UGT2B15: variants seen among roughly 807,000 people sequenced by gnomAD.
UGT2B15 encodes UDP glucuronosyltransferase family 2 member B15.
Under a neutral mutation model 45.9 loss-of-function variants are expected in UGT2B15, and 36 were observed. That is an observed-to-expected ratio of 0.78 (90% CI 0.60 to 1.04). UGT2B15 has a LOEUF of 1.04. Among genes scored for constraint, UGT2B15 ranks in the 50% least tolerant of loss-of-function variants. The probability of loss-of-function intolerance (pLI) is 0.00; values close to 1 mark genes in which losing one functional copy is unlikely to be tolerated. For synonymous variants in UGT2B15, 219 were observed against 216.4 expected (o/e 1.01, Z -0.11); for missense variants, 617 against 622.4 (o/e 0.99, Z 0.09).
In UGT2B15 at chr4:68,647,191, C is replaced by T. The variant is rs1732503305; in HGVS notation, c.1506G>A (p.Val502=). The T allele has an allele frequency of 1.2e-6, 2 of 1,613,730 alleles. No homozygotes were observed. Among genetic ancestry groups the T allele is most frequent in the Non-Finnish European group, 1.7e-6 (2 of 1,179,912 alleles). The change falls in exon 6 of 6, where the codon GTG becomes GTA. Residue 502 remains valine, a synonymous_variant. Coordinates refer to ENST00000338206, the MANE Select transcript of UGT2B15 (RefSeq NM_001076.4). The part of the protein sequence containing the change: ...LDVIAFLLAC[V]ATVIFIITKF... ...TTGTGATGATAAATATCACAGTTGC[C>T]ACGCAGGCCAGCAGGAATGCTATCA...
intron 5 of UGT2B15, among the ~76,000 whole-genome samples, chr4:68,648,443 C>T (rs1309887331): frequency 6.6e-6 from 1 of 152,032 alleles, no homozygotes; most frequent in Non-Finnish European, 1.5e-5. Context: ...TTTGAGGCTT[C>T]CCCTTGTATG....
At chr4:68,667,602 C>A (rs1184152280) in intron 2 of UGT2B15, among the ~76,000 whole-genome samples, 1 of 152,094 alleles carries the variant, frequency 6.6e-6, no homozygotes, top group Admixed American at 6.6e-5. Context: ...TCATTGTGGT[C>A]TTTCCTTATA....
rs1317721509 is a variant in UGT2B15, at chr4:68,661,716, A to G, written c.1005+1292T>C. On this transcript the variant is annotated intron_variant, in intron 3 of 5. Coordinates refer to ENST00000338206, the MANE Select transcript of UGT2B15 (RefSeq NM_001076.4). ...TTTCATTTGCTAACTATCAAGTGCT[A>G]CTTTCAGGAAAAATTTCAAGTGGCA... 2.6e-5 allele frequency among the ~76,000 whole-genome samples: 4 copies of G among 152,110 alleles called. No individual in the cohort carries two copies. In the East Asian group the frequency reaches 7.7e-4, roughly 29 times the overall value.
chr4:68,668,595 C>T lies in UGT2B15; in HGVS notation c.725-407G>A, dbSNP rs937808519. ...GGGACCCAGTGGCAGGTGATTGGAT[C>T]ATGGTGTGGATTCCTCCATGCTGTT... is the stretch of plus-strand genomic sequence containing the variant. On this transcript the variant is annotated intron_variant, in intron 1 of 5. Transcript: ENST00000338206. 2.1e-4 allele frequency among the ~76,000 whole-genome samples: 31 copies of T among 150,696 alleles called. 1 individual carries two copies. Among genetic ancestry groups the T allele is most frequent in the Middle Eastern group, 6.8e-3 (2 of 294 alleles).
rs556569318 is a variant in UGT2B15, at chr4:68,669,794, C to G, written c.724+101G>C. ...TCTTACATTTGCAATTCATAATTTC[C>G]CTTAAAAACACTATCTTCTGACATT... On this transcript the variant is annotated intron_variant, in intron 1 of 5. Transcript: ENST00000338206. The G allele has an allele frequency of 6.5e-5, 94 of 1,452,676 alleles. No homozygotes were observed. In the African/African-American group the frequency reaches 1.2e-3, roughly 19 times the overall value. 90.0% of individuals were successfully genotyped at this position (1,452,676 alleles called of 1,614,324 possible). A position where few individuals can be genotyped will look rare whatever the true frequency, so the allele number is the denominator to read the frequency against.
At chr4:68,662,192 C>T (rs1405662247) in intron 3 of UGT2B15, among the ~76,000 whole-genome samples, 1 of 151,984 alleles carries the variant, frequency 6.6e-6, no homozygotes, top group Non-Finnish European at 1.5e-5. Context: ...AAATAAGTTC[C>T]TACCATGTTT....
At chr4:68,667,638 C>A (rs1216257522) in intron 2 of UGT2B15, among the ~76,000 whole-genome samples, 1 of 146,496 alleles carries the variant, frequency 6.8e-6, no homozygotes, top group Admixed American at 6.7e-5. Context: ...TTCTTTTTCA[C>A]TTGTTTTTAT....
chr4:68,650,430 C>A (rs980427890), intron 5 of UGT2B15, among the ~76,000 whole-genome samples: 2 of 151,958 alleles, frequency 1.3e-5, no homozygotes, highest in Non-Finnish European at 2.9e-5. Context: ...TTAGTTGCTG[C>A]GGATAATGGC....
chr4:68,653,101 T>C (rs1157753238), intron 5 of UGT2B15, among the ~76,000 whole-genome samples: 1 of 152,054 alleles, frequency 6.6e-6, no homozygotes, highest in Non-Finnish European at 1.5e-5. Context: ...AAAAACAGTT[T>C]AGCAGTTCTT....
chr4:68,663,632 T>A (rs1454254), intron 2 of UGT2B15, among the ~76,000 whole-genome samples: 110,522 of 151,692 alleles, frequency 0.73, 40,402 homozygotes, highest in South Asian at 0.82. Context: ...ACTATGAGCA[T>A]TGAGGAAAAG....
intron 3 of UGT2B15, among the ~76,000 whole-genome samples, chr4:68,656,424 T>C (rs896000265): frequency 6.6e-6 from 1 of 150,614 alleles, no homozygotes; most frequent in African/African-American, 2.4e-5. Context: ...CCAGTATTTC[T>C]CCCATCAGAT....
At position 68,654,136 on chromosome 4, in the gene UGT2B15, G is replaced by T; in HGVS notation, c.1214C>A (p.Ala405Asp). The change falls in exon 5 of 6, where the codon GCT becomes GAT. Residue 405 changes from alanine (A) to aspartate (D), a missense_variant. Physicochemically the swap from Ala to Asp is moderately radical, Grantham distance 126 (BLOSUM62 -2). Coordinates refer to ENST00000338206, the MANE Select transcript of UGT2B15 (RefSeq NM_001076.4). ...PLFADQHDNI[A>D]HMKAKGAALS... ...GGCTGCTCCCTTGGCTTTCATGTGA[G>T]CAATGTTATCATGTTGATCCGCAAA... The T allele has an allele frequency of 6.2e-7, 1 of 1,613,622 alleles. No individual in the cohort carries two copies. The highest frequency in any genetic ancestry group is 8.5e-7 in the Non-Finnish European group (1 of 1,179,688).
At chr4:68,653,647 AAAT>A (rs1277742557) in intron 5 of UGT2B15, among the ~76,000 whole-genome samples, 1 of 151,970 alleles carries the variant, frequency 6.6e-6, no homozygotes, top group Non-Finnish European at 1.5e-5. Flanking sequence ...ACATTTCTTA[AAAT>A]AATGATAATA....
At chr4:68,649,491 G>A (rs1732587617) in intron 5 of UGT2B15, among the ~76,000 whole-genome samples, 2 of 151,572 alleles carry the variant, frequency 1.3e-5, no homozygotes, top group Non-Finnish European at 2.9e-5. Context: ...TGTTGGCCAG[G>A]CTGGTCTCTT....
intron 5 of UGT2B15, among the ~76,000 whole-genome samples, chr4:68,653,578 ATATATT>A (rs1193157447): frequency 4.6e-5 from 7 of 152,118 alleles, no homozygotes; most frequent in Admixed American, 2.6e-4. Context: ...AACATACTAA[ATATATT>A]TAGATTTTAA....
chr4:68,665,490 G>A (rs1378124176), intron 2 of UGT2B15, among the ~76,000 whole-genome samples: 7 of 151,760 alleles, frequency 4.6e-5, no homozygotes, highest in African/African-American at 1.5e-4. Context: ...TTTTTAATGA[G>A]TATTTGCTAC....
rs187664724 is a variant in UGT2B15 at position 68,657,262 on chromosome 4, G to C, written c.1006-2080C>G. Among the ~76,000 whole-genome samples, 192 of 152,256 alleles carry C rather than the reference G, an allele frequency of 1.3e-3. 1 individual carries two copies. Among genetic ancestry groups the C allele is most frequent in the South Asian group, 2.7e-3 (13 of 4,828 alleles). Reference sequence around the variant, plus strand: ...CTTGGGGTTGACCCCCTGTGACATGGAGTGGCCCTGCAGGGAAATCCCCAA... The same window carrying C: ...CTTGGGGTTGACCCCCTGTGACATGCAGTGGCCCTGCAGGGAAATCCCCAA... On this transcript the variant is annotated intron_variant, in intron 3 of 5. Transcript: ENST00000338206.
rs144974242 is a variant in UGT2B15, at chr4:68,650,569, C to T, written c.1314-3186G>A. 5.7e-3 allele frequency among the ~76,000 whole-genome samples: 865 copies of T among 152,154 alleles called. 15 individuals are homozygous for T. The highest frequency in any genetic ancestry group is 0.02 in the African/African-American group (834 of 41,510). On this transcript the variant is annotated intron_variant, in intron 5 of 5. Coordinates refer to ENST00000338206, the MANE Select transcript of UGT2B15 (RefSeq NM_001076.4). The stretch of plus-strand genomic sequence containing the variant: ...TCACTGATGAGCATTTGGGTTGGTT[C>T]CATATCTTTGATATTGTAGATAGCG...
Position 68,654,393 on chromosome 4 carries a change from T to C in UGT2B15, c.1094-137A>G. ...CCCACAAAACTGCATTGAAATTGTT[T>C]TCAAATTTCAGAAGAATTGCCAGGT... On this transcript the variant is annotated intron_variant, in intron 4 of 5. Transcript: ENST00000338206. 3 of 871,446 alleles carry C rather than the reference T, an allele frequency of 3.4e-6. No homozygotes were observed. The East Asian group carries it at 8.1e-5, about 24-fold the overall frequency. 54.0% of individuals were successfully genotyped at this position (871,446 alleles called of 1,614,324 possible). A position where few individuals can be genotyped will look rare whatever the true frequency, so the allele number is the denominator to read the frequency against.
Sources: allele counts gnomAD v4.1 joint callset (sites outside exome capture counted in the v4.1 genomes callset), GRCh38; gene constraint gnomAD v4.1.1; transcripts MANE v1.5; gene names NCBI Gene and HGNC (gene_info 2026-07-23, HGNC 2026-07-21).